LMTK2: variants seen among roughly 807,000 people sequenced by gnomAD.
The protein encoded by LMTK2 is serine/threonine-protein kinase LMTK2.
In LMTK2, 37 loss-of-function variants were observed where a neutral mutation model predicts 127.5. The observed-to-expected ratio is 0.29, with a 90% confidence interval of 0.22 to 0.38. The LOEUF is 0.38. LMTK2 is among the 10% of genes least tolerant of loss of function. The pLI is 1.00. For missense variants in LMTK2, 1,694 were observed against 1,920.3 expected, an observed-to-expected ratio of 0.88 and a Z score of 2.20; for synonymous variants, 819 against 810.1, an observed-to-expected ratio of 1.01 and a Z score of -0.19.
rs766328844 is a variant in LMTK2 at position 98,192,201 on chromosome 7, C to G, written c.1736C>G (p.Pro579Arg). 1 of 1,523,594 alleles carries G rather than the reference C, an allele frequency of 6.6e-7. No individual in the cohort carries two copies. Among genetic ancestry groups the G allele is most frequent in the Non-Finnish European group, 8.8e-7 (1 of 1,139,030 alleles). The allele number at this position is 1,523,594 out of a possible 1,614,324, so 94.4% of individuals were successfully genotyped here. ...PALLTTDMDNPERTGPELSQL... is the reference protein window; with the variant it reads ...PALLTTDMDNRERTGPELSQL... ...CTGCTCACAACCGACATGGATAATC[C>G]AGAAAGGACTGGCCCTGAACTGTCC... Residue 579 changes from proline to arginine, a missense_variant, in exon 11 of 14, where the codon CCA becomes CGA. Physicochemically the swap from Pro to Arg is moderately radical, Grantham distance 103. This residue lies in a region of LMTK2 where 527 missense variants were observed against 539.8 expected (regional missense o/e 0.98). Coordinates refer to ENST00000297293, the MANE Select transcript of LMTK2 (RefSeq NM_014916.4).
At chr7:98,114,666 G>C (rs1259032144) in intron 1 of LMTK2, among the ~76,000 whole-genome samples, 1 of 152,092 alleles carries the variant, frequency 6.6e-6, no homozygotes, top group Non-Finnish European at 1.5e-5. Flanking sequence ...GTCGCATCGG[G>C]GTGTCTGCTG....
rs536094391 is a variant in LMTK2 at position 98,159,602 on chromosome 7, A to G, written c.657+177A>G. On this transcript the variant is annotated intron_variant, in intron 6 of 13. Transcript: ENST00000297293. ...GGTGATAGTGTTGACTGACACTTAC[A>G]TAGTGGTTTGTTACACTGCAGTCCC... Among the ~76,000 whole-genome samples, 36 of 152,354 alleles carry G rather than the reference A, an allele frequency of 2.4e-4. 1 individual carries two copies. In the South Asian group the frequency reaches 7.2e-3, roughly 31 times the overall value.
chr7:98,182,942 C>T (rs1018205564), intron 7 of LMTK2, among the ~76,000 whole-genome samples: 6 of 152,212 alleles, frequency 3.9e-5, no homozygotes, highest in African/African-American at 1.4e-4. Context: ...GATCAGATTC[C>T]CCATTATACT....
Position 98,191,979 on chromosome 7 carries a change from A to G in LMTK2, c.1514A>G (p.Tyr505Cys), listed in dbSNP as rs760458654. 2.5e-6 allele frequency: 4 copies of G among 1,613,886 alleles called. No individual in the cohort carries two copies. The highest frequency in any genetic ancestry group is 1.1e-5 in the South Asian group (1 of 91,070). ...DEGLSYTSIFYPVEVFESSLS... is the reference protein window; with the variant it reads ...DEGLSYTSIFCPVEVFESSLS... ...GGCTTGTCCTACACGAGCATCTTCT[A>G]TCCGGTTGAAGTTTTTGAGAGTTCG... The change falls in exon 11 of 14, where the codon TAT becomes TGT. Residue 505 changes from tyrosine (Y) to cysteine (C), a missense_variant. Tyr to Cys is a radical substitution (Grantham distance 194). Around this residue, in one of 8 missense-constraint regions of LMTK2, gnomAD observed 216 missense variants for 266.8 expected, o/e 0.81. Coordinates refer to ENST00000297293, the MANE Select transcript of LMTK2 (RefSeq NM_014916.4).
intron 1 of LMTK2, among the ~76,000 whole-genome samples, chr7:98,125,302 CAAA>C (rs553815609): frequency 3.0e-5 from 4 of 131,510 alleles, no homozygotes; most frequent in Admixed American, 7.7e-5. Flanking sequence ...GACTCCGTCT[CAAA>C]AAAAAAAAAA....
intron 3 of LMTK2, among the ~76,000 whole-genome samples, chr7:98,143,404 A>G (rs188799071): frequency 6.6e-6 from 1 of 152,358 alleles, no homozygotes; most frequent in Admixed American, 6.5e-5. Context: ...AGAGTCGCAA[A>G]AAATATTTGT....
intron 1 of LMTK2, among the ~76,000 whole-genome samples, chr7:98,135,300 G>A (rs1190319596): frequency 6.6e-6 from 1 of 151,898 alleles, no homozygotes; most frequent in Non-Finnish European, 1.5e-5. Flanking sequence ...CATAGATGAG[G>A]ATTTATTTTT....
chr7:98,167,779 G>C (rs956118803), intron 6 of LMTK2, among the ~76,000 whole-genome samples: 1 of 152,192 alleles, frequency 6.6e-6, no homozygotes, highest in Non-Finnish European at 1.5e-5. Flanking sequence ...CCCTGGTCGG[G>C]GAGCGCCCCC....
Position 98,194,313 on chromosome 7 carries a change from A to T in LMTK2, c.3848A>T (p.Asp1283Val). The T allele has an allele frequency of 1.2e-6, 2 of 1,614,146 alleles. No homozygotes were observed. Among genetic ancestry groups the T allele is most frequent in the Non-Finnish European group, 1.7e-6 (2 of 1,180,030 alleles). ...GMLDLSEDGMDADEEDENSDD... is the reference protein window; with the variant it reads ...GMLDLSEDGMVADEEDENSDD... ...CTCGACCTCTCAGAGGACGGGATGGATGCAGACGAGGAGGACGAAAACAGC... is the reference window on the plus strand; with the variant it reads ...CTCGACCTCTCAGAGGACGGGATGGTTGCAGACGAGGAGGACGAAAACAGC... Residue 1283 changes from aspartate (D) to valine (V), a missense_variant, in exon 11 of 14, where the codon GAT becomes GTT. Around this residue, in one of 8 missense-constraint regions of LMTK2, gnomAD observed 554 missense variants for 567.7 expected, o/e 0.98. Transcript: ENST00000297293. This position sits in a 1 kb window ranked among gnomAD's most constrained non-coding sequence, Gnocchi z 5.4.
At chr7:98,111,591 A>T (rs1796202119) in intron 1 of LMTK2, among the ~76,000 whole-genome samples, 2 of 152,186 alleles carry the variant, frequency 1.3e-5, no homozygotes, top group South Asian at 4.1e-4. Context: ...CATCATTAAA[A>T]AGGGTGGCAA....
At chr7:98,132,440 G>A (rs970355908) in intron 1 of LMTK2, among the ~76,000 whole-genome samples, 15 of 152,112 alleles carry the variant, frequency 9.9e-5, no homozygotes, top group African/African-American at 3.4e-4. Flanking sequence ...TAGTAGAGAC[G>A]GGATTTCACC....
intron 2 of LMTK2, among the ~76,000 whole-genome samples, chr7:98,140,180 T>C (rs1447723461): frequency 2.0e-3 from 149 of 74,580 alleles, no homozygotes; most frequent in African/African-American, 2.7e-3. Context: ...TTCTTTCTTT[T>C]CTTTCTTCTT....
At chr7:98,118,469 T>C (rs1796318490) in intron 1 of LMTK2, among the ~76,000 whole-genome samples, 1 of 152,216 alleles carries the variant, frequency 6.6e-6, no homozygotes, top group Non-Finnish European at 1.5e-5. Context: ...GGCGAGTCTC[T>C]TGAAGAGCAT....
chr7:98,131,370 T>G (rs1211255759), intron 1 of LMTK2, among the ~76,000 whole-genome samples: 1 of 152,186 alleles, frequency 6.6e-6, no homozygotes, highest in Admixed American at 6.5e-5. Context: ...CCACTCTCCC[T>G]CTCTTCATCT....
chr7:98,123,704 TAC>T (rs143477267), intron 1 of LMTK2, among the ~76,000 whole-genome samples: 2,225 of 150,370 alleles, frequency 0.015, 20 homozygotes, highest in Admixed American at 0.021. Flanking sequence ...TTTTCATATA[TAC>T]ACACACACAC....
chr7:98,155,974 C>T (rs752514209), intron 5 of LMTK2, among the ~76,000 whole-genome samples: 3 of 151,740 alleles, frequency 2.0e-5, no homozygotes, highest in Non-Finnish European at 4.4e-5. Flanking sequence ...ACGTAGCTGA[C>T]ATAGGACTCA....
intron 3 of LMTK2, among the ~76,000 whole-genome samples, chr7:98,145,736 A>G (rs1408444519): frequency 6.6e-6 from 1 of 152,204 alleles, no homozygotes; most frequent in Non-Finnish European, 1.5e-5. Flanking sequence ...TGAATTACAA[A>G]TATTTCTCAA....
chr7:98,193,210 G>C lies in LMTK2; in HGVS notation c.2745G>C (p.Gly915=). The C allele has an allele frequency of 6.2e-7, 1 of 1,613,766 alleles. No homozygotes were observed. The highest frequency in any genetic ancestry group is 8.5e-7 in the Non-Finnish European group (1 of 1,180,024). The change falls in exon 11 of 14, where the codon GGG becomes GGC. Residue 915 remains glycine (G), a synonymous_variant. Coordinates refer to ENST00000297293, the MANE Select transcript of LMTK2 (RefSeq NM_014916.4). This position sits in a 1 kb window ranked among gnomAD's most constrained non-coding sequence, Gnocchi z 4.1. Reference sequence around the variant, plus strand: ...TCCTTGCCAGCAGGGTGAGTGTAGGGAGTAGTCTCCCGGAACTGGGACAGG... The same window carrying C: ...TCCTTGCCAGCAGGGTGAGTGTAGGCAGTAGTCTCCCGGAACTGGGACAGG... ...DDILASRVSV[G]SSLPELGQEL...
At chr7:98,199,943 A>G (rs574406100) in intron 11 of LMTK2, among the ~76,000 whole-genome samples, 1 of 152,260 alleles carries the variant, frequency 6.6e-6, no homozygotes, top group African/African-American at 2.4e-5. Context: ...CTGCCTTTTA[A>G]TGGTATGTTT....
Sources: allele counts gnomAD v4.1 joint callset (sites outside exome capture counted in the v4.1 genomes callset), GRCh38; gene constraint gnomAD v4.1.1; regional missense constraint gnomAD v4.1.1; non-coding constraint Gnocchi (gnomAD v3.1); transcripts MANE v1.5; gene names NCBI Gene and HGNC (gene_info 2026-07-23, HGNC 2026-07-21).